CLIC5: variants seen among roughly 807,000 people sequenced by gnomAD.
CLIC5 encodes the protein chloride intracellular channel protein 5.
In CLIC5, 20 loss-of-function variants were observed where a neutral mutation model predicts 24.7. The observed-to-expected ratio is 0.81, with a 90% CI of 0.57 to 1.18. CLIC5 has a LOEUF of 1.18. CLIC5 is among the 50% of genes most tolerant of loss of function. CLIC5 has a pLI of 0.00. For missense variants in CLIC5, 341 were observed against 326.1 expected, an observed-to-expected ratio of 1.05 and a Z score of -0.35; for synonymous variants, 159 against 135.6, an observed-to-expected ratio of 1.17 and a Z score of -1.20.
intron 1 of CLIC5, among the ~76,000 whole-genome samples, chr6:46,043,621 G>A (rs1459945993): frequency 2.0e-5 from 3 of 152,218 alleles, no homozygotes; most frequent in Non-Finnish European, 4.4e-5. Flanking sequence ...AATTGTAGCA[G>A]TTAGAAGAAG....
intron 1 of CLIC5, among the ~76,000 whole-genome samples, chr6:46,038,991 A>G (rs1767735763): frequency 6.6e-6 from 1 of 152,216 alleles, no homozygotes; most frequent in African/African-American, 2.4e-5. Context: ...AAATGCATAC[A>G]TAAGAATTTA....
At chr6:45,893,608 G>GTTA (rs1561912454), downstream of CLIC5, among the ~76,000 whole-genome samples, 2 of 152,030 alleles carry the variant, frequency 1.3e-5, no homozygotes, top group Admixed American at 1.3e-4. Context: ...GTCCCTAATG[G>GTTA]CAGCCTGATT....
chr6:45,911,787 G>C, intron 5 of CLIC5: 1 of 985,446 alleles, frequency 1.0e-6, no homozygotes, highest in Non-Finnish European at 1.2e-6. Flanking sequence ...AAGGATCCCA[G>C]TGAGCAAGGA....
intron 1 of CLIC5, among the ~76,000 whole-genome samples, chr6:45,971,136 G>A (rs1054951069): frequency 1.3e-5 from 2 of 152,150 alleles, no homozygotes; most frequent in African/African-American, 4.8e-5. Context: ...AAATTCACAA[G>A]CACAAAAAGA....
chr6:45,983,596 G>A (rs115361594), intron 1 of CLIC5, among the ~76,000 whole-genome samples: 21 of 152,318 alleles, frequency 1.4e-4, no homozygotes, highest in African/African-American at 5.1e-4. Context: ...GAAGATTCAG[G>A]TATGGACTGG....
At chr6:45,935,618 C>G (rs1763902377) in intron 4 of CLIC5, among the ~76,000 whole-genome samples, 1 of 152,214 alleles carries the variant, frequency 6.6e-6, no homozygotes, top group South Asian at 2.1e-4. Context: ...CCAGCCAAAT[C>G]TAAATGCAGT....
chr6:46,049,087 A>T (rs952883627), intron 1 of CLIC5, among the ~76,000 whole-genome samples: 2 of 152,186 alleles, frequency 1.3e-5, no homozygotes, highest in Non-Finnish European at 2.9e-5. Flanking sequence ...TTTGGGAAAG[A>T]TAGGGGACTG....
chr6:46,102,376 C>T, the CLIC5 span, among the ~76,000 whole-genome samples: 7 of 152,164 alleles, frequency 4.6e-5, no homozygotes, highest in East Asian at 1.3e-3. Context: ...TGGCACAGGG[C>T]CCTCTATGGA....
intron 1 of CLIC5, among the ~76,000 whole-genome samples, chr6:45,980,772 G>GA (rs1397469692): frequency 6.7e-6 from 1 of 150,218 alleles, no homozygotes; most frequent in African/African-American, 2.4e-5. Flanking sequence ...TTTATAAATA[G>GA]AAAAAAATAT....
intron 1 of CLIC5, among the ~76,000 whole-genome samples, chr6:46,009,024 A>C (rs985904453): frequency 1.3e-5 from 2 of 151,968 alleles, no homozygotes; most frequent in Admixed American, 6.6e-5. Context: ...GCCTCACCCC[A>C]CCCTCCTAAA....
At chr6:45,882,030 C>G (rs1273174753) in intron 6 of CLIC5, among the ~76,000 whole-genome samples, 1 of 152,150 alleles carries the variant, frequency 6.6e-6, no homozygotes, top group Non-Finnish European at 1.5e-5. Context: ...ATAGTTCCTT[C>G]CAACAAGCCA....
At chr6:46,064,118 TAA>T (rs1362687244) in intron 1 of CLIC5, among the ~76,000 whole-genome samples, 1 of 152,156 alleles carries the variant, frequency 6.6e-6, no homozygotes, top group African/African-American at 2.4e-5. Flanking sequence ...AACTGCTATA[TAA>T]ACATACATCT....
chr6:46,049,516 G>A (rs956978548), intron 1 of CLIC5, among the ~76,000 whole-genome samples: 9 of 152,122 alleles, frequency 5.9e-5, no homozygotes, highest in Non-Finnish European at 1.0e-4. Context: ...GAATTTAAAC[G>A]CCCTCAGTAT....
chr6:46,015,921 CGGGGACGCGGCG>C, upstream of CLIC5: 1 of 1,001,900 alleles, frequency 1.0e-6, no homozygotes, highest in Non-Finnish European at 1.2e-6. Flanking sequence ...GTCAGCCGGG[CGGGGACGCGGCG>C]GGGACACCCC....
intron 1 of CLIC5, among the ~76,000 whole-genome samples, chr6:46,038,428 A>G (rs1374906990): frequency 2.6e-5 from 4 of 152,160 alleles, no homozygotes; most frequent in Non-Finnish European, 5.9e-5. Flanking sequence ...CCAGGCCTGC[A>G]TTAGGTTGAC....
intron 2 of CLIC5, among the ~76,000 whole-genome samples, chr6:45,954,103 G>A (rs138450275): frequency 5.9e-5 from 9 of 151,740 alleles, no homozygotes; most frequent in African/African-American, 1.7e-4. Context: ...GTGAAACCCC[G>A]TCTCTACTAA....
At chr6:46,023,540 G>A (rs1356536216) in intron 1 of CLIC5, among the ~76,000 whole-genome samples, 1 of 152,132 alleles carries the variant, frequency 6.6e-6, no homozygotes, top group African/African-American at 2.4e-5. Context: ...AAATGGCTAG[G>A]GTTGGGGATT....
At chr6:46,032,810 C>T (rs1767544403) in intron 1 of CLIC5, among the ~76,000 whole-genome samples, 1 of 152,116 alleles carries the variant, frequency 6.6e-6, no homozygotes, top group South Asian at 2.1e-4. Context: ...AAAAGCAACT[C>T]TCAGAGAATA....
At chr6:46,123,891 C>T in the CLIC5 span, among the ~76,000 whole-genome samples, 2 of 152,144 alleles carry the variant, frequency 1.3e-5, no homozygotes, top group African/African-American at 2.4e-5. Context: ...TGAAGGACCT[C>T]TTCAAGGCGA....
Sources: allele counts gnomAD v4.1 joint callset (sites outside exome capture counted in the v4.1 genomes callset), GRCh38; gene constraint gnomAD v4.1.1; transcripts MANE v1.5; gene names NCBI Gene and HGNC (gene_info 2026-07-23, HGNC 2026-07-21).